ARPP19: variants seen among roughly 807,000 people sequenced by gnomAD.
ARPP19 encodes the protein cAMP regulated phosphoprotein 19, also known as cAMP-regulated phosphoprotein 19.
In ARPP19, 8 loss-of-function variants were observed where a neutral mutation model predicts 12.0. The ratio of observed to expected loss-of-function variants is 0.67; its 90% confidence interval spans 0.39 to 1.21. ARPP19 has a LOEUF of 1.21. ARPP19 is among the 50% of genes most tolerant of loss of function. The pLI is 0.01. For missense variants in ARPP19, 102 were observed against 136.3 expected (o/e 0.75, Z 1.25); for synonymous variants, 47 against 50.4 (o/e 0.93, Z 0.29).
chr15:52,564,837 C>A (rs964929728), intron 1 of ARPP19, among the ~76,000 whole-genome samples: 1 of 152,088 alleles, frequency 6.6e-6, no homozygotes, highest in Non-Finnish European at 1.5e-5. Flanking sequence ...TTACCATGGT[C>A]TATTCTTCTC....
intron 1 of ARPP19, among the ~76,000 whole-genome samples, chr15:52,566,613 T>C (rs1007820800): frequency 5.3e-5 from 8 of 151,990 alleles, no homozygotes; most frequent in African/African-American, 1.9e-4. Context: ...TTTTATTTTA[T>C]TTTGTAGAGA....
At position 52,549,032 on chromosome 15, in the gene ARPP19, T is replaced by C. The variant is rs1324505651; in HGVS notation, c.*2902A>G. 1 of 152,438 alleles carries C rather than the reference T, an allele frequency of 6.6e-6. No homozygotes were observed. Among genetic ancestry groups the C allele is most frequent in the African/African-American group, 2.4e-5 (1 of 41,448 alleles). The allele number at this position is 152,438 out of a possible 1,614,324, so 9.4% of individuals were successfully genotyped here. On this transcript the variant is annotated 3_prime_UTR_variant, in exon 3 of 3. Transcript: ENST00000249822. ...ACTCATCGAAACAAGCCAATAATCC[T>C]TACTATTCCAACTTGCTGAGAACCA...
intron 1 of ARPP19, among the ~76,000 whole-genome samples, chr15:52,562,233 A>T (rs1318744411): frequency 6.6e-6 from 1 of 152,168 alleles, no homozygotes; most frequent in African/African-American, 2.4e-5. Flanking sequence ...TACATCTAAC[A>T]ATTAGGGAAT....
At chr15:52,569,427 T>G (rs926400834), upstream of ARPP19, among the ~76,000 whole-genome samples, 1 of 152,154 alleles carries the variant, frequency 6.6e-6, no homozygotes, top group Non-Finnish European at 1.5e-5. Context: ...CCTTCACATC[T>G]CCAGTCCTAC....
Position 52,557,099 on chromosome 15 carries a change from C to T in ARPP19, c.168+1G>A. ...TTTGGAAATTACCCATGAGAACTTA[C>T]CCCTTTCTGCAACCGTTTCCTTAAG... On this transcript the variant is annotated splice_donor_variant, in intron 2 of 2. Coordinates refer to ENST00000249822, the MANE Select transcript of ARPP19 (RefSeq NM_006628.6). LOFTEE classifies it high-confidence loss of function. 1 of 1,611,672 alleles carries T rather than the reference C, an allele frequency of 6.2e-7. No individual in the cohort carries two copies. Among genetic ancestry groups the T allele is most frequent in the Non-Finnish European group, 8.5e-7 (1 of 1,179,754 alleles).
chr15:52,551,905 T>C lies in ARPP19; in HGVS notation c.*29A>G, dbSNP rs1026775305. ...CATATTAAGGAGAAATAATGAGATT[T>C]AGCAGATTCATGCAGTTCAGCCTCT... On this transcript the variant is annotated 3_prime_UTR_variant, in exon 3 of 3. Coordinates refer to ENST00000249822, the MANE Select transcript of ARPP19 (RefSeq NM_006628.6). 1.3e-6 allele frequency: 2 copies of C among 1,545,800 alleles called. No homozygotes were observed. Among genetic ancestry groups the C allele is most frequent in the African/African-American group, 2.7e-5 (2 of 72,786 alleles).
chr15:52,551,869 T>C lies in ARPP19; in HGVS notation c.*65A>G. The C allele has an allele frequency of 8.3e-7, 1 of 1,209,850 alleles. No individual in the cohort carries two copies. Among genetic ancestry groups the C allele is most frequent in the Non-Finnish European group, 1.2e-6 (1 of 838,302 alleles). The allele number at this position is 1,209,850 out of a possible 1,614,324, so 74.9% of individuals were successfully genotyped here. A position where few individuals can be genotyped will look rare whatever the true frequency, so the allele number is the denominator to read the frequency against. ...CTAGTGAATGAAAGGAAATAAAAAG[T>C]AGATAAGTAACATATTAAGGAGAAA... On this transcript the variant is annotated 3_prime_UTR_variant, in exon 3 of 3. Coordinates refer to ENST00000249822, the MANE Select transcript of ARPP19 (RefSeq NM_006628.6).
At position 52,551,868 on chromosome 15, in the gene ARPP19, G is replaced by A; in HGVS notation, c.*66C>T. On this transcript the variant is annotated 3_prime_UTR_variant, in exon 3 of 3. Coordinates refer to ENST00000249822, the MANE Select transcript of ARPP19 (RefSeq NM_006628.6). ...ACTAGTGAATGAAAGGAAATAAAAA[G>A]TAGATAAGTAACATATTAAGGAGAA... is the stretch of plus-strand genomic sequence containing the variant. 1 of 1,203,002 alleles carries A rather than the reference G, an allele frequency of 8.3e-7. No homozygotes were observed. Among genetic ancestry groups the A allele is most frequent in the Non-Finnish European group, 1.2e-6 (1 of 832,306 alleles). The allele number at this position is 1,203,002 out of a possible 1,614,324, so 74.5% of individuals were successfully genotyped here.
rs1474283228 is a variant in ARPP19 at position 52,550,569 on chromosome 15, A to C, written c.*1365T>G. ...AGGAGTAAGGTTGCAGTGAGCTGTG[A>C]TTGCACTACTGCACTAGAGCTCAGG... On this transcript the variant is annotated 3_prime_UTR_variant, in exon 3 of 3. Coordinates refer to ENST00000249822, the MANE Select transcript of ARPP19 (RefSeq NM_006628.6). 1 of 152,168 alleles carries C rather than the reference A, an allele frequency of 6.6e-6. No homozygotes were observed. The highest frequency in any genetic ancestry group is 1.5e-5 in the Non-Finnish European group (1 of 68,026). The allele number at this position is 152,168 out of a possible 1,614,324, so 9.4% of individuals were successfully genotyped here.
At chr15:52,564,230 A>T in intron 1 of ARPP19, 1 of 1,534,740 alleles carries the variant, frequency 6.5e-7, no homozygotes, top group Non-Finnish European at 8.7e-7. Flanking sequence ...AGACCAAGGG[A>T]GCATGTTGTG....
chr15:52,568,620 G>C lies in ARPP19; in HGVS notation c.45+228C>G, dbSNP rs9806458. ...GTGACTGAGGAACACCGCGACCCAC[G>C]GAGGTGTTACAAAAGGCACGATTCG... On this transcript the variant is annotated intron_variant, in intron 1 of 2. Transcript: ENST00000249822. The C allele has an allele frequency of 3.3e-3, 1,544 of 461,594 alleles. 25 individuals carry two copies. The highest frequency in any genetic ancestry group is 0.03 in the African/African-American group (1,451 of 48,432). The allele number at this position is 461,594 out of a possible 1,614,324, so 28.6% of individuals were successfully genotyped here.
rs2077922060 is a variant in ARPP19 at position 52,550,702 on chromosome 15, C to T, written c.*1232G>A. The T allele has an allele frequency of 6.6e-6, 1 of 152,278 alleles. No individual in the cohort carries two copies. 9.4% of individuals were successfully genotyped at this position (152,278 alleles called of 1,614,324 possible). A position where few individuals can be genotyped will look rare whatever the true frequency, so the allele number is the denominator to read the frequency against. On this transcript the variant is annotated 3_prime_UTR_variant, in exon 3 of 3. Transcript: ENST00000249822. ...TTATATAAAAGAGTAAGGATATAGA[C>T]ACCTATGCTTCCATATACAACAAAC...
chr15:52,565,313 C>A lies in ARPP19; in HGVS notation c.45+3535G>T, dbSNP rs188819329. On this transcript the variant is annotated intron_variant, in intron 1 of 2. Coordinates refer to ENST00000249822, the MANE Select transcript of ARPP19 (RefSeq NM_006628.6). ...GTGCTGGGATTACAGGCAAGAGCCACCCTGTAGGGCCAGAATTATCTGTTT... is the reference window on the plus strand; with the variant it reads ...GTGCTGGGATTACAGGCAAGAGCCAACCTGTAGGGCCAGAATTATCTGTTT... 3.7e-3 allele frequency among the ~76,000 whole-genome samples: 556 copies of A among 152,318 alleles called. 2 individuals are homozygous for A. Among genetic ancestry groups the A allele is most frequent in the Admixed American group, 6.0e-3 (92 of 15,302 alleles).
At chr15:52,557,748 A>G (rs1357164979) in intron 1 of ARPP19, 1 of 151,796 alleles carries the variant, frequency 6.6e-6, no homozygotes, top group African/African-American at 2.4e-5. Flanking sequence ...TAATATTTTT[A>G]TTATTTTAAA....
intron 1 of ARPP19, among the ~76,000 whole-genome samples, chr15:52,561,595 G>T (rs1301178817): frequency 6.6e-6 from 1 of 151,782 alleles, no homozygotes; most frequent in Non-Finnish European, 1.5e-5. Flanking sequence ...ATTTCAAGGG[G>T]AACCAATTAA....
rs766101409 is a variant in ARPP19 at position 52,549,014 on chromosome 15, G to C, written c.*2920C>G. On this transcript the variant is annotated 3_prime_UTR_variant, in exon 3 of 3. Transcript: ENST00000249822. Reference sequence around the variant, plus strand: ...TACAAACATGCCGCTTCCACTCATCGAAACAAGCCAATAATCCTTACTATT... The same window carrying C: ...TACAAACATGCCGCTTCCACTCATCCAAACAAGCCAATAATCCTTACTATT... 2 of 152,318 alleles carry C rather than the reference G, an allele frequency of 1.3e-5. No homozygotes were observed. Among genetic ancestry groups the C allele is most frequent in the South Asian group, 4.1e-4 (2 of 4,828 alleles). The allele number at this position is 152,318 out of a possible 1,614,324, so 9.4% of individuals were successfully genotyped here. A position where few individuals can be genotyped will look rare whatever the true frequency, so the allele number is the denominator to read the frequency against.
chr15:52,554,481 TAAC>T (rs1420915056), intron 2 of ARPP19, among the ~76,000 whole-genome samples: 3 of 152,120 alleles, frequency 2.0e-5, no homozygotes, highest in African/African-American at 2.4e-5. Context: ...GATCCACAGA[TAAC>T]AACGATGATG....
chr15:52,560,858 G>T (rs907025309), intron 1 of ARPP19, among the ~76,000 whole-genome samples: 4 of 152,178 alleles, frequency 2.6e-5, no homozygotes, highest in African/African-American at 4.8e-5. Flanking sequence ...GGGACATATG[G>T]CAGATAAACA....
rs542304171 is a variant in ARPP19 at position 52,558,842 on chromosome 15, GA to G, written c.46-1621del. On this transcript the variant is annotated intron_variant, in intron 1 of 2. Transcript: ENST00000249822. The stretch of plus-strand genomic sequence containing the variant: ...CCCTTCCCTTTGTACCCACGGGGGG[GA>G]AAAAATTACAGGTCAGGCCATATTG... Among the ~76,000 whole-genome samples, 43 of 151,060 alleles carry G rather than the reference GA, an allele frequency of 2.8e-4. No homozygotes were observed. In the South Asian group the frequency reaches 6.7e-3, roughly 24 times the overall value.
Sources: allele counts gnomAD v4.1 joint callset (sites outside exome capture counted in the v4.1 genomes callset), GRCh38; gene constraint gnomAD v4.1.1; transcripts MANE v1.5; gene names NCBI Gene and HGNC (gene_info 2026-07-23, HGNC 2026-07-21).